Variants in KIZ observed in about 807,000 individuals in gnomAD.
KIZ encodes kizuna centrosomal protein.
A neutral mutation model predicts 79.6 loss-of-function variants in KIZ; 68 were observed. The ratio of observed to expected loss-of-function variants is 0.85; its 90% CI spans 0.70 to 1.05. The LOEUF is 1.05. Among genes scored for constraint, KIZ ranks in the 50% least tolerant of loss-of-function variants. The pLI is 0.00. For missense variants in KIZ, 797 were observed against 800.4 expected, an observed-to-expected ratio of 1.00 and a Z score of 0.05; for synonymous variants, 280 against 281.8, an observed-to-expected ratio of 0.99 and a Z score of 0.06.
At chr20:21,131,508 G>C (rs543708128) in intron 1 of KIZ, among the ~76,000 whole-genome samples, 8 of 152,168 alleles carry the variant, frequency 5.3e-5, no homozygotes, top group Non-Finnish European at 1.0e-4. Flanking sequence ...GGCTTGTCTG[G>C]TTGAAAACAG....
intron 6 of KIZ, among the ~76,000 whole-genome samples, chr20:21,181,699 G>GC (rs1322918356): frequency 6.6e-6 from 1 of 152,062 alleles, no homozygotes; most frequent in African/African-American, 2.4e-5. Context: ...CCTCAAGTGA[G>GC]CCACCCTCCT....
chr20:21,168,830 G>A (rs1314297878), intron 6 of KIZ, among the ~76,000 whole-genome samples: 1 of 152,146 alleles, frequency 6.6e-6, no homozygotes, highest in Non-Finnish European at 1.5e-5. Context: ...CAAGCAATGG[G>A]GAAAGGATCC....
chr20:21,246,467 T>G lies in KIZ; in HGVS notation c.1925-12T>G, dbSNP rs1372231442. 6.4e-7 allele frequency: 1 copy of G among 1,557,696 alleles called. No homozygotes were observed. The highest frequency in any genetic ancestry group is 8.9e-7 in the Non-Finnish European group (1 of 1,129,684). On this transcript the variant is annotated splice_polypyrimidine_tract_variant and intron_variant, in intron 12 of 12. Coordinates refer to ENST00000619189, the MANE Select transcript of KIZ (RefSeq NM_018474.6). ...CAAAAATGTTAAATAACTGTCTGGT[T>G]TTATTTTCCAGCCCTCTGGGATGAG...
chr20:21,165,492 C>A (rs2033887873), intron 6 of KIZ, among the ~76,000 whole-genome samples: 1 of 152,168 alleles, frequency 6.6e-6, no homozygotes, highest in African/African-American at 2.4e-5. Context: ...TCACTCTATG[C>A]TTTGTAGAGC....
intron 9 of KIZ, among the ~76,000 whole-genome samples, chr20:21,223,665 CTTTT>C (rs1053285543): frequency 4.0e-5 from 5 of 126,180 alleles, no homozygotes; most frequent in South Asian, 2.5e-4. Context: ...CTCTCTCTCT[CTTTT>C]TTTTTTTTTT....
chr20:21,143,842 A>G (rs980375076), intron 3 of KIZ, among the ~76,000 whole-genome samples: 2 of 152,204 alleles, frequency 1.3e-5, no homozygotes, highest in South Asian at 2.1e-4. Flanking sequence ...GGACATGGAT[A>G]ATAACCAGGT....
chr20:21,178,260 G>T (rs1456360380), intron 6 of KIZ, among the ~76,000 whole-genome samples: 1 of 151,904 alleles, frequency 6.6e-6, no homozygotes, highest in Non-Finnish European at 1.5e-5. Flanking sequence ...TGTCATCAAT[G>T]TTTTGTAGTT....
chr20:21,126,196 G>T lies in KIZ; in HGVS notation c.81G>T (p.Leu27=). 1 of 1,482,480 alleles carries T rather than the reference G, an allele frequency of 6.7e-7. No homozygotes were observed. The allele number at this position is 1,482,480 out of a possible 1,614,324, so 91.8% of individuals were successfully genotyped here. Residue 27 remains leucine (L), a synonymous_variant, in exon 1 of 13, where the codon CTG becomes CTT. Transcript: ENST00000619189. The stretch of plus-strand genomic sequence containing the variant: ...GGCTGGGCCAACTCCAGCACGGGCT[G>T]CGGGACAGGTAAGGGCACTGGGGCG... ...YERLGQLQHG[L]RDSEKKRLDL... is the part of the protein sequence containing the mutation.
chr20:21,211,471 G>A (rs1037333568), intron 7 of KIZ, among the ~76,000 whole-genome samples: 3 of 152,150 alleles, frequency 2.0e-5, no homozygotes, highest in African/African-American at 7.2e-5. Flanking sequence ...TCTGGCCTCC[G>A]AAAAGAGAGC....
chr20:21,176,585 A>T (rs2034446065), intron 6 of KIZ, among the ~76,000 whole-genome samples: 1 of 141,350 alleles, frequency 7.1e-6, no homozygotes, highest in African/African-American at 2.6e-5. Flanking sequence ...AAAAAAAAAA[A>T]TACAGTTTGA....
chr20:21,167,084 A>C (rs2033977368), intron 6 of KIZ, among the ~76,000 whole-genome samples: 1 of 152,232 alleles, frequency 6.6e-6, no homozygotes, highest in Non-Finnish European at 1.5e-5. Flanking sequence ...CCTGAGCCTT[A>C]GATGAGACTG....
chr20:21,205,964 T>G (rs1175416330), intron 7 of KIZ, among the ~76,000 whole-genome samples: 1 of 150,822 alleles, frequency 6.6e-6, no homozygotes, highest in African/African-American at 2.4e-5. Context: ...AAAAAAAAAG[T>G]CTCAAGATGT....
chr20:21,175,673 A>G (rs1388062156), intron 6 of KIZ, among the ~76,000 whole-genome samples: 3 of 152,200 alleles, frequency 2.0e-5, no homozygotes, highest in African/African-American at 7.2e-5. Context: ...GTAGCAGGAA[A>G]CAATTATACA....
chr20:21,163,172 A>ATT lies in KIZ; in HGVS notation c.1352+22_1352+23dup. On this transcript the variant is annotated intron_variant, in intron 6 of 12. Coordinates refer to ENST00000619189, the MANE Select transcript of KIZ (RefSeq NM_018474.6). ...CACCAACAAGAGAGTAAGCCATTCA[A>ATT]TTTTTTTTTTCTACTGTTCTGTTTT... The ATT allele has an allele frequency of 2.0e-5, 29 of 1,477,396 alleles. No homozygotes were observed. The highest frequency in any genetic ancestry group is 2.4e-5 in the East Asian group (1 of 41,610). 91.5% of individuals were successfully genotyped at this position (1,477,396 alleles called of 1,614,324 possible).
chr20:21,204,496 C>G (rs1401140271), intron 6 of KIZ, among the ~76,000 whole-genome samples: 5 of 151,918 alleles, frequency 3.3e-5, no homozygotes, highest in Non-Finnish European at 7.4e-5. Context: ...TAGATGAACT[C>G]AAGGATTTTC....
chr20:21,138,915 T>G (rs1233245850), intron 3 of KIZ: 2 of 150,212 alleles, frequency 1.3e-5, no homozygotes, highest in East Asian at 3.9e-4. Flanking sequence ...CCCTTTTCTT[T>G]CTTTCAACCT....
At chr20:21,148,391 C>T (rs1393354658) in intron 4 of KIZ, among the ~76,000 whole-genome samples, 1 of 152,064 alleles carries the variant, frequency 6.6e-6, no homozygotes, top group East Asian at 1.9e-4. Context: ...TTGCTTGCAT[C>T]CAGTAGTTGC....
chr20:21,237,597 C>T (rs1387769346), intron 11 of KIZ, among the ~76,000 whole-genome samples: 5 of 152,124 alleles, frequency 3.3e-5, no homozygotes, highest in Non-Finnish European at 5.9e-5. Context: ...CCGCGTATGA[C>T]CCACTATTTC....
At chr20:21,222,282 A>G (rs1354686104) in intron 9 of KIZ, among the ~76,000 whole-genome samples, 1 of 152,220 alleles carries the variant, frequency 6.6e-6, no homozygotes, top group Non-Finnish European at 1.5e-5. Flanking sequence ...CCAGCGGTTC[A>G]TGGTAGAATC....
Sources: allele counts gnomAD v4.1 joint callset (sites outside exome capture counted in the v4.1 genomes callset), GRCh38; gene constraint gnomAD v4.1.1; transcripts MANE v1.5; gene names NCBI Gene and HGNC (gene_info 2026-07-23, HGNC 2026-07-21).